Variants in FOXP1 observed in about 807,000 individuals in gnomAD.
FOXP1 encodes the protein forkhead box protein P1.
Under a neutral mutation model 98.2 loss-of-function variants are expected in FOXP1, and 15 were observed. The observed-to-expected ratio is 0.15, with a 90% CI of 0.10 to 0.24. The LOEUF (loss-of-function observed/expected upper bound fraction) is 0.24. Ranked by LOEUF, FOXP1 falls within the 10% of genes least tolerant of loss-of-function variation. FOXP1 has a pLI of 1.00. For missense variants in FOXP1, 633 were observed against 848.5 expected, an observed-to-expected ratio of 0.75 and a Z score of 3.15; for synonymous variants, 371 against 314.5, an observed-to-expected ratio of 1.18 and a Z score of -1.90.
At chr3:71,582,284 A>AAGGAGGG in intron 1 of FOXP1, 3 of 981,644 alleles carry the variant, frequency 3.1e-6, no homozygotes, top group Non-Finnish European at 3.6e-6. Flanking sequence ...GTTGTCTGAA[A>AAGGAGGG]AGGAGGGAGG....
intron 3 of FOXP1, among the ~76,000 whole-genome samples, chr3:71,485,153 G>C (rs942273072): frequency 6.6e-6 from 1 of 152,154 alleles, no homozygotes. Context: ...CAGGTGTTGG[G>C]TAGAGGACAG....
intron 1 of FOXP1, chr3:71,582,766 G>C: frequency 4.1e-6 from 4 of 985,414 alleles, no homozygotes; most frequent in Non-Finnish European, 4.8e-6. Context: ...GCGTAGGGGT[G>C]CGTGTCTGGC....
At chr3:71,275,152 A>G (rs1474383306) in intron 5 of FOXP1, among the ~76,000 whole-genome samples, 5 of 152,134 alleles carry the variant, frequency 3.3e-5, no homozygotes, top group Non-Finnish European at 5.9e-5. Context: ...TCATCCAAAT[A>G]CTATTCTATT....
intron 3 of FOXP1, among the ~76,000 whole-genome samples, chr3:71,454,286 A>C (rs2087230678): frequency 6.6e-6 from 1 of 152,148 alleles, no homozygotes; most frequent in Admixed American, 6.5e-5. Context: ...GCCGGGGCTA[A>C]TCTAGAATCA....
intron 6 of FOXP1, chr3:71,130,642 G>T: frequency 3.8e-6 from 6 of 1,597,948 alleles, no homozygotes; most frequent in Non-Finnish European, 5.1e-6. Flanking sequence ...AGGAAGTACT[G>T]TGCGGCTGAA....
At chr3:71,236,516 A>G (rs1003075593) in intron 5 of FOXP1, among the ~76,000 whole-genome samples, 4 of 152,184 alleles carry the variant, frequency 2.6e-5, no homozygotes, top group Non-Finnish European at 5.9e-5. Flanking sequence ...CAGGCATATA[A>G]TGAGAGCCAC....
intron 12 of FOXP1, among the ~76,000 whole-genome samples, chr3:71,010,558 T>C (rs2043444006): frequency 6.6e-6 from 1 of 152,012 alleles, no homozygotes; most frequent in South Asian, 2.1e-4. Context: ...GAACAGAAAA[T>C]AGGTGAAAAT....
intron 5 of FOXP1, among the ~76,000 whole-genome samples, chr3:71,231,569 T>C (rs1240340810): frequency 1.3e-5 from 2 of 152,182 alleles, no homozygotes; most frequent in Admixed American, 1.3e-4. Context: ...AAACTATGAA[T>C]TCTGGACACT....
Position 71,540,028 on chromosome 3 carries a change from C to T in FOXP1, c.-298+41521G>A, listed in dbSNP as rs114255815. On this transcript the variant is annotated intron_variant, in intron 2 of 20. Coordinates refer to ENST00000649528, the MANE Select transcript of FOXP1 (RefSeq NM_001349338.3). Reference sequence around the variant, plus strand: ...ATCAGTAGCAGAAAACACTTAAAATCTGTATTTTCTAATCTAGGCAATAAA... The same window carrying T: ...ATCAGTAGCAGAAAACACTTAAAATTTGTATTTTCTAATCTAGGCAATAAA... Among the ~76,000 whole-genome samples, 1,165 of 152,316 alleles carry T rather than the reference C, an allele frequency of 7.6e-3. 24 individuals are homozygous for T. Among genetic ancestry groups the T allele is most frequent in the African/African-American group, 0.027 (1,124 of 41,562 alleles).
intron 3 of FOXP1, among the ~76,000 whole-genome samples, chr3:71,372,780 G>A (rs1004245567): frequency 1.3e-5 from 2 of 152,356 alleles, no homozygotes; most frequent in East Asian, 3.9e-4. Context: ...AAATGCCAGA[G>A]TGATTTGCAA....
chr3:71,202,875 A>C (rs748608505), intron 5 of FOXP1, among the ~76,000 whole-genome samples: 3 of 152,224 alleles, frequency 2.0e-5, no homozygotes, highest in Admixed American at 1.3e-4. Flanking sequence ...TCTGAAATCA[A>C]GTCAATATAT....
At chr3:71,539,124 TTG>T in intron 2 of FOXP1, among the ~76,000 whole-genome samples, 3 of 149,562 alleles carry the variant, frequency 2.0e-5, no homozygotes, top group African/African-American at 7.4e-5. Context: ...TATTTTTTTT[TTG>T]TTTGAGATGG....
At chr3:71,218,506 A>G (rs1272490642) in intron 5 of FOXP1, among the ~76,000 whole-genome samples, 2 of 152,122 alleles carry the variant, frequency 1.3e-5, no homozygotes, top group Admixed American at 1.3e-4. Context: ...TCCTCTGCTC[A>G]TTCTTCAATA....
chr3:71,199,580 GA>G (rs374062008), intron 5 of FOXP1, among the ~76,000 whole-genome samples: 1,851 of 147,302 alleles, frequency 0.013, 31 homozygotes, highest in African/African-American at 0.043. Flanking sequence ...TAGAAAAAAA[GA>G]AAAAAAAAAT....
intron 5 of FOXP1, among the ~76,000 whole-genome samples, chr3:71,214,875 G>T (rs923665893): frequency 6.6e-6 from 1 of 152,196 alleles, no homozygotes; most frequent in African/African-American, 2.4e-5. Context: ...TCTGTCTCAT[G>T]ACAAGGGTTT....
intron 5 of FOXP1, among the ~76,000 whole-genome samples, chr3:71,244,432 G>T (rs562418605): frequency 4.6e-5 from 7 of 150,694 alleles, no homozygotes; most frequent in Admixed American, 1.3e-4. Flanking sequence ...CTTTGTTCTG[G>T]AGTTGCAGAT....
intron 5 of FOXP1, chr3:71,244,971 A>AG (rs5850003): frequency 6.6e-6 from 1 of 150,542 alleles, no homozygotes; most frequent in Non-Finnish European, 1.5e-5. Flanking sequence ...AAAAAAAAAA[A>AG]GGAAAAAAGA....
chr3:70,991,567 T>C (rs1233647889), intron 13 of FOXP1, among the ~76,000 whole-genome samples: 3 of 152,170 alleles, frequency 2.0e-5, no homozygotes, highest in South Asian at 2.1e-4. Context: ...GGACTAATCA[T>C]TTTAAGGCCA....
chr3:71,352,379 C>T (rs1273069546), intron 4 of FOXP1, among the ~76,000 whole-genome samples: 5 of 146,936 alleles, frequency 3.4e-5, no homozygotes, highest in East Asian at 2.2e-4. Context: ...GCAGGAGAAT[C>T]GCTGGAACCA....
Sources: allele counts gnomAD v4.1 joint callset (sites outside exome capture counted in the v4.1 genomes callset), GRCh38; gene constraint gnomAD v4.1.1; transcripts MANE v1.5; gene names NCBI Gene and HGNC (gene_info 2026-07-23, HGNC 2026-07-21).